Variants in DNAJA1 observed in about 807,000 individuals in gnomAD.
DNAJA1 encodes DnaJ heat shock protein family (Hsp40) member A1.
DNAJA1 carries 26 observed loss-of-function variants against 47.6 expected under a neutral mutation model. That is an observed-to-expected ratio of 0.55 (90% CI 0.40 to 0.76). The LOEUF is 0.76. Among genes scored for constraint, DNAJA1 ranks in the 30% least tolerant of loss-of-function variants. The probability of loss-of-function intolerance (pLI) is 0.00; values close to 1 mark genes in which losing one functional copy is unlikely to be tolerated. For synonymous variants in DNAJA1, 165 were observed against 158.4 expected, an observed-to-expected ratio of 1.04 and a Z score of -0.31; for missense variants, 315 against 485.0, an observed-to-expected ratio of 0.65 and a Z score of 3.29.
chr9:33,029,751 A>C (rs1281473550), intron 3 of DNAJA1, 134 bp from the exon 4 acceptor site: 3 of 600,862 alleles, frequency 5.0e-6, no homozygotes, highest in Non-Finnish European at 8.6e-6. Context: ...TTCTGTGTAT[A>C]TAGTAGGTAG....
At position 33,026,932 on chromosome 9, in the gene DNAJA1, C is replaced by G. The variant is rs1396915057; in HGVS notation, c.252C>G (p.Pro84=). Residue 84 remains proline, a synonymous_variant, in exon 3 of 9, where the codon CCC becomes CCG. Transcript: ENST00000330899. ...GAGCAGGTGGCGGTTTTGGCTCCCC[C>G]ATGGACATCTTTGATATGTTTTTTG... The part of the protein sequence containing the change: ...EGGAGGGFGS[P]MDIFDMFFGG... 2 of 1,614,118 alleles carry G rather than the reference C, an allele frequency of 1.2e-6. No homozygotes were observed. Among genetic ancestry groups the G allele is most frequent in the Admixed American group, 1.7e-5 (1 of 60,016 alleles).
chr9:33,027,806 C>T (rs917134426), intron 3 of DNAJA1, among the ~76,000 whole-genome samples: 7 of 151,906 alleles, frequency 4.6e-5, no homozygotes, highest in Admixed American at 3.9e-4. Context: ...ACGGAGGTCA[C>T]GCCACTGCAC....
At chr9:33,028,258 C>G (rs13298052) in intron 3 of DNAJA1, among the ~76,000 whole-genome samples, 5,057 of 152,210 alleles carry the variant, frequency 0.033, 112 homozygotes, top group Non-Finnish European at 0.05. Context: ...TGCCATCTAT[C>G]TATTCTTGTT....
At chr9:33,030,963 T>G (rs951908461) in intron 5 of DNAJA1, among the ~76,000 whole-genome samples, 6 of 152,240 alleles carry the variant, frequency 3.9e-5, no homozygotes, top group Non-Finnish European at 5.9e-5. Context: ...TCTCTCCTGT[T>G]AAACCATAGT....
chr9:33,030,749 T>C, intron 5 of DNAJA1, 82 bp downstream of exon 5: 4 of 1,208,648 alleles, frequency 3.3e-6, no homozygotes, highest in Non-Finnish European at 4.7e-6. Context: ...TTAAAAATCA[T>C]TCTTAATTAG....
intron 6 of DNAJA1, 69 bp from the exon 7 acceptor site, chr9:33,036,505 A>G: frequency 9.9e-7 from 1 of 1,012,854 alleles, no homozygotes; most frequent in Non-Finnish European, 1.5e-6. Context: ...AAACAAAAAA[A>G]CAGCCTGCTT....
At chr9:33,037,160 AC>A (rs1839048578) in intron 8 of DNAJA1, 45 bp downstream of exon 8, 2 of 1,564,734 alleles carry the variant, frequency 1.3e-6, no homozygotes, top group African/African-American at 2.7e-5. Flanking sequence ...CAATTGGCTT[AC>A]TAAAATCTGA....
chr9:33,034,374 G>T, intron 6 of DNAJA1, 44 bp downstream of exon 6: 3 of 1,493,726 alleles, frequency 2.0e-6, no homozygotes, highest in African/African-American at 1.4e-5. Flanking sequence ...CACATATTTG[G>T]GTTGTTGGTT....
chr9:33,030,695 T>G, intron 5 of DNAJA1, 28 bp downstream of exon 5: 1 of 1,555,780 alleles, frequency 6.4e-7, no homozygotes, highest in South Asian at 1.2e-5. Flanking sequence ...TATTCTGAAG[T>G]CTTGAATGCT....
intron 5 of DNAJA1, among the ~76,000 whole-genome samples, chr9:33,033,853 T>C (rs1027841537): frequency 1.3e-5 from 2 of 152,222 alleles, no homozygotes; most frequent in Admixed American, 6.5e-5. Context: ...ATAACCAGTG[T>C]TAGCCAGTCA....
At chr9:33,025,707 GGA>G (rs1838810711) in intron 1 of DNAJA1, among the ~76,000 whole-genome samples, 1 of 152,154 alleles carries the variant, frequency 6.6e-6, no homozygotes, top group Non-Finnish European at 1.5e-5. Flanking sequence ...GTGGGGGGGG[GGA>G]GTGGGGTTGG....
Position 33,030,444 on chromosome 9 carries a change from AG to A in DNAJA1, c.422del (p.Gly141GlufsTer7). 1 of 1,611,680 alleles carries A rather than the reference AG, an allele frequency of 6.2e-7. No individual in the cohort carries two copies. Among genetic ancestry groups the A allele is most frequent in the Non-Finnish European group, 8.5e-7 (1 of 1,179,354 alleles). On this transcript the variant is annotated frameshift_variant, in exon 5 of 9. Coordinates refer to ENST00000330899, the MANE Select transcript of DNAJA1 (RefSeq NM_001539.4). LOFTEE classifies it high-confidence loss of function. ...NVICDKCEGRGGKKGAVECCP... is the reference protein window; with the variant it reads ...NVICDKCEGRXGKKGAVECCP... Reference sequence around the variant, plus strand: ...TAATTTTCTTTTTAAATTTAGGTAGAGGAGGTAAGAAAGGAGCAGTAGAGTG... The same window carrying A: ...TAATTTTCTTTTTAAATTTAGGTAGAGAGGTAAGAAAGGAGCAGTAGAGTG...
At chr9:33,029,774 C>T in intron 3 of DNAJA1, 111 bp from the exon 4 acceptor site, 1 of 770,706 alleles carries the variant, frequency 1.3e-6, no homozygotes, top group Non-Finnish European at 2.1e-6. Flanking sequence ...AACAGATGTA[C>T]CCTGTGAGGC....
chr9:33,028,109 C>T (rs572325927), intron 3 of DNAJA1, among the ~76,000 whole-genome samples: 89 of 150,738 alleles, frequency 5.9e-4, no homozygotes, highest in African/African-American at 1.9e-3. Flanking sequence ...ATTTGGTGTT[C>T]CCTCACTCCC....
intron 6 of DNAJA1, among the ~76,000 whole-genome samples, chr9:33,035,518 G>A (rs1343762818): frequency 6.6e-6 from 1 of 152,016 alleles, no homozygotes. Flanking sequence ...GGCCCAGGCT[G>A]GATTGCGATG....
intron 8 of DNAJA1, 28 bp from the exon 9 acceptor site, chr9:33,038,657 G>A (rs1422421127): frequency 3.1e-6 from 5 of 1,603,638 alleles, no homozygotes; most frequent in Non-Finnish European, 2.6e-6. Flanking sequence ...GATGAAATCA[G>A]ATTGAACAGT....
At chr9:33,035,615 GC>G (rs1839021996) in intron 6 of DNAJA1, among the ~76,000 whole-genome samples, 1 of 151,756 alleles carries the variant, frequency 6.6e-6, no homozygotes, top group African/African-American at 2.4e-5. Flanking sequence ...GATTACAGGC[GC>G]CCACCACCAC....
chr9:33,034,327 C>T lies in DNAJA1; in HGVS notation c.755C>T (p.Thr252Ile), dbSNP rs764187648. The change falls in exon 6 of 9, where the codon ACT becomes ATT. Residue 252 changes from threonine (T) to isoleucine (I), a missense_variant. Around this residue, in one of 4 missense-constraint regions of DNAJA1, gnomAD observed 162 missense variants for 185.4 expected, o/e 0.87. Coordinates refer to ENST00000330899, the MANE Select transcript of DNAJA1 (RefSeq NM_001539.4). ...GATCAGAAGGACCATGCTGTTTTTA[C>T]TCGGTAAAGACTTTTATCAACCACT... ...VLDQKDHAVF[T>I]RRGEDLFMCM... is the part of the protein sequence containing the mutation. 1 of 1,604,326 alleles carries T rather than the reference C, an allele frequency of 6.2e-7. No homozygotes were observed. Among genetic ancestry groups the T allele is most frequent in the Non-Finnish European group, 8.5e-7 (1 of 1,176,756 alleles).
chr9:33,029,006 T>A (rs76432063), intron 3 of DNAJA1, among the ~76,000 whole-genome samples: 6,079 of 152,308 alleles, frequency 0.04, 152 homozygotes, highest in Middle Eastern at 0.065. Flanking sequence ...AGTTAGGAAC[T>A]TACTAACTTA....
Sources: gnomAD v4.1 joint callset for allele counts (sites outside exome capture counted in the v4.1 genomes callset) on GRCh38, gnomAD v4.1.1 for gene constraint, gnomAD v4.1.1 regional missense constraint, MANE v1.5 for transcripts, NCBI Gene and HGNC (gene_info 2026-07-23, HGNC 2026-07-21) for gene names.